Variants in AFTPH observed in about 807,000 individuals in gnomAD.
AFTPH encodes aftiphilin protein.
Under a neutral mutation model 72.5 loss-of-function variants are expected in AFTPH, and 7 were observed. The observed-to-expected ratio is 0.10, with a 90% CI of 0.05 to 0.18. AFTPH has a LOEUF of 0.18. AFTPH is among the 10% of genes least tolerant of loss of function. AFTPH has a pLI of 1.00. For missense variants in AFTPH, 979 were observed against 1,060.5 expected (o/e 0.92, Z 1.07); for synonymous variants, 337 against 370.1 (o/e 0.91, Z 1.03).
intron 8 of AFTPH, among the ~76,000 whole-genome samples, chr2:64,586,100 G>A (rs967915450): frequency 1.3e-5 from 2 of 152,126 alleles, no homozygotes; most frequent in East Asian, 1.9e-4. Flanking sequence ...CTAAAGGCAC[G>A]GAATGTCACT....
intron 1 of AFTPH, among the ~76,000 whole-genome samples, chr2:64,534,447 T>G (rs1440824531): frequency 6.6e-6 from 1 of 152,194 alleles, no homozygotes; most frequent in Non-Finnish European, 1.5e-5. Flanking sequence ...ACAGAATATT[T>G]GAGTATTCAT....
At chr2:64,564,787 A>G (rs1671957446) in intron 2 of AFTPH, among the ~76,000 whole-genome samples, 1 of 152,086 alleles carries the variant, frequency 6.6e-6, no homozygotes, top group Non-Finnish European at 1.5e-5. Context: ...AGTGGTGAGA[A>G]ACTCATTACA....
At position 64,548,407 on chromosome 2, in the gene AFTPH, G is replaced by GAAA. The variant is rs57995634; in HGVS notation, c.-32-3010_-32-3008dup. Among the ~76,000 whole-genome samples, 173 of 59,970 alleles carry GAAA rather than the reference G, an allele frequency of 2.9e-3. 9 individuals are homozygous for GAAA. The highest frequency in any genetic ancestry group is 6.4e-3 in the African/African-American group (105 of 16,476). The allele number at this position is 59,970 out of a possible 152,430, so 39.3% of individuals were successfully genotyped here. On this transcript the variant is annotated intron_variant, in intron 1 of 8. Coordinates refer to ENST00000238856, the Ensembl canonical transcript of AFTPH. Reference sequence around the variant, plus strand: ...AGAGCGAGACTCCGTCTCAAAAAAAGAAAAAAAAAAAAAAAAAAAAAAAAA... The same window carrying GAAA: ...AGAGCGAGACTCCGTCTCAAAAAAAGAAAAAAAAAAAAAAAAAAAAAAAAAAAA...
At chr2:64,527,853 C>T (rs1350169205) in intron 1 of AFTPH, among the ~76,000 whole-genome samples, 1 of 152,178 alleles carries the variant, frequency 6.6e-6, no homozygotes. Context: ...TTGTCACACT[C>T]CTAGTGTCTA....
chr2:64,584,564 T>C (rs1314021615), intron 7 of AFTPH, among the ~76,000 whole-genome samples: 1 of 151,834 alleles, frequency 6.6e-6, no homozygotes, highest in African/African-American at 2.4e-5. Context: ...AGCTATGTGG[T>C]ATATGTTTAT....
At position 64,573,101 on chromosome 2, in the gene AFTPH, A is replaced by G. The variant is rs1211620552; in HGVS notation, c.2394+33A>G. The G allele has an allele frequency of 5.8e-6, 9 of 1,553,680 alleles. No homozygotes were observed. The African/African-American group carries it at 8.1e-5, about 14-fold the overall frequency. On this transcript the variant is annotated intron_variant, in intron 6 of 8. Transcript: ENST00000238856. ...TATCTATATGTGTATAAATATGTTT[A>G]TGCGTGTATATACACATATATCCAC...
chr2:64,570,915 T>C (rs561950455), intron 5 of AFTPH, among the ~76,000 whole-genome samples: 11,239 of 74,074 alleles, frequency 0.15, 60 homozygotes, highest in Non-Finnish European at 0.2. Flanking sequence ...TTTCCTCCCC[T>C]CCCCCCCCCC....
intron 3 of AFTPH, 65 bp downstream of exon 3, chr2:64,567,778 G>A (rs1257535492): frequency 8.4e-6 from 13 of 1,539,840 alleles, no homozygotes; most frequent in Non-Finnish European, 9.7e-6. Context: ...TAATTTATAA[G>A]TTTATCTTAA....
At chr2:64,586,381 C>G (rs969504951) in intron 8 of AFTPH, among the ~76,000 whole-genome samples, 14 of 152,144 alleles carry the variant, frequency 9.2e-5, no homozygotes, top group Non-Finnish European at 1.9e-4. Flanking sequence ...AGCTCTTTCT[C>G]CTGAATAAAT....
At chr2:64,552,387 G>T in exon 2 of AFTPH, 1 of 1,614,066 alleles carries the variant, frequency 6.2e-7, no homozygotes. Context: ...AATAAGCATA[G>T]TGACTAACAG....
Position 64,540,992 on chromosome 2 carries a change from AC to A in AFTPH, c.-32-10450del, listed in dbSNP as rs201161643. Among the ~76,000 whole-genome samples the A allele has an allele frequency of 4.7e-3, 716 of 152,274 alleles. 6 individuals are homozygous for A. The highest frequency in any genetic ancestry group is 0.017 in the African/African-American group (692 of 41,566). On this transcript the variant is annotated intron_variant, in intron 1 of 8. Coordinates refer to ENST00000238856, the Ensembl canonical transcript of AFTPH. ...ATAATTGTAATATTTGCCGTCAATC[AC>A]GTCTAATATTTTAAGACACTTATAA...
chr2:64,552,416 A>T, exon 2 of AFTPH: 1 of 1,614,140 alleles, frequency 6.2e-7, no homozygotes, highest in Non-Finnish European at 8.5e-7. Flanking sequence ...GTGTTGAAAA[A>T]CAAGGCCTTC....
Position 64,585,470 on chromosome 2 carries a change from C to T in AFTPH, c.2504C>T (p.Ser835Phe), listed in dbSNP as rs750520352. The T allele has an allele frequency of 3.7e-6, 6 of 1,613,732 alleles. No homozygotes were observed. Among genetic ancestry groups the T allele is most frequent in the South Asian group, 1.1e-5 (1 of 91,036 alleles). Residue 835 changes from serine (S) to phenylalanine (F), a missense_variant, in exon 8 of 9, where the codon TCC becomes TTC. Physicochemically the swap from Ser to Phe is radical, Grantham distance 155. This residue lies in a region of AFTPH where 438 missense variants were observed against 530.0 expected (regional missense o/e 0.83). Transcript: ENST00000238856. ...TTAACAACTTCTAAGCTGGAAATCT[C>T]CACCTCAAGCCTCAAAGTGACTGAT...
At chr2:64,535,943 G>A (rs140203079) in intron 1 of AFTPH, among the ~76,000 whole-genome samples, 294 of 152,352 alleles carry the variant, frequency 1.9e-3, no homozygotes, top group Non-Finnish European at 3.4e-3. Flanking sequence ...GTTGTGGGAT[G>A]TTAAAACAAA....
At chr2:64,543,247 T>C (rs776166874) in intron 1 of AFTPH, among the ~76,000 whole-genome samples, 1 of 152,254 alleles carries the variant, frequency 6.6e-6, no homozygotes. Context: ...CATTGACTTG[T>C]AGGAATTCTT....
chr2:64,548,704 ATAGT>A (rs752495906), intron 1 of AFTPH, among the ~76,000 whole-genome samples: 2 of 152,204 alleles, frequency 1.3e-5, no homozygotes, highest in South Asian at 2.1e-4. Context: ...TTAGAGGGAC[ATAGT>A]TAGAGGTCAG....
chr2:64,582,097 GATCTGGTA>G (rs1168298356), intron 7 of AFTPH, among the ~76,000 whole-genome samples: 1 of 152,186 alleles, frequency 6.6e-6, no homozygotes, highest in Non-Finnish European at 1.5e-5. Flanking sequence ...CCCAACAGGT[GATCTGGTA>G]ATCATGTCCA....
intron 8 of AFTPH, among the ~76,000 whole-genome samples, chr2:64,586,502 C>G (rs1673519989): frequency 6.6e-6 from 1 of 152,200 alleles, no homozygotes; most frequent in Non-Finnish European, 1.5e-5. Flanking sequence ...GTTTCTCTCT[C>G]TTAACTTTAG....
At chr2:64,559,993 C>A (rs2103988314) in intron 2 of AFTPH, among the ~76,000 whole-genome samples, 1 of 152,310 alleles carries the variant, frequency 6.6e-6, no homozygotes. Flanking sequence ...CATGAGCCAC[C>A]ATGCTCCGCC....
Sources: gnomAD v4.1 joint callset for allele counts (sites outside exome capture counted in the v4.1 genomes callset) on GRCh38, gnomAD v4.1.1 for gene constraint, gnomAD v4.1.1 regional missense constraint, MANE v1.5 for transcripts, NCBI Gene and HGNC (gene_info 2026-07-23, HGNC 2026-07-21) for gene names.